The following EFCAB6 variants were observed in gnomAD, a reference collection of about 807,000 sequenced individuals.
EFCAB6 encodes the protein EF-hand calcium-binding domain-containing protein 6.
In EFCAB6, 156 loss-of-function variants were observed where a neutral mutation model predicts 169.8. The observed-to-expected ratio is 0.92, with a 90% CI of 0.81 to 1.05. The LOEUF is 1.05. Among genes scored for constraint, EFCAB6 ranks in the 50% least tolerant of loss-of-function variants. The pLI is 0.00. For synonymous variants in EFCAB6, 698 were observed against 676.4 expected (o/e 1.03, Z -0.50); for missense variants, 1,800 against 1,829.1 (o/e 0.98, Z 0.29).
chr22:43,780,038 T>C (rs1293776350), intron 3 of EFCAB6, among the ~76,000 whole-genome samples: 1 of 152,192 alleles, frequency 6.6e-6, no homozygotes, highest in Non-Finnish European at 1.5e-5. Flanking sequence ...AAATTCACAA[T>C]GGAATGTTAT....
At chr22:43,759,610 C>G (rs1460122274) in intron 5 of EFCAB6, 1 of 152,148 alleles carries the variant, frequency 6.6e-6, no homozygotes, top group African/African-American at 2.4e-5. Context: ...GATGTTTCTA[C>G]CATTATTATA....
rs1423681789 is a variant in EFCAB6 at position 43,587,083 on chromosome 22, G to T, written c.3032+2991C>A. The stretch of plus-strand genomic sequence containing the variant: ...GAGGCTCTGGAACTGATGATATCAG[G>T]TATATCTAGAAGTGGAGCTAAAGGA... On this transcript the variant is annotated intron_variant, in intron 24 of 31. Transcript: ENST00000262726. 2.0e-5 allele frequency among the ~76,000 whole-genome samples: 3 copies of T among 152,170 alleles called. No individual in the cohort carries two copies. In the East Asian group the frequency reaches 5.8e-4, roughly 29 times the overall value.
At chr22:43,734,272 T>C in intron 7 of EFCAB6, among the ~76,000 whole-genome samples, 1 of 152,216 alleles carries the variant, frequency 6.6e-6, no homozygotes, top group Non-Finnish European at 1.5e-5. Flanking sequence ...GGAAAGAGTA[T>C]ATTCTTGAGC....
intron 15 of EFCAB6, among the ~76,000 whole-genome samples, chr22:43,670,567 C>T (rs1458424146): frequency 6.6e-6 from 1 of 152,230 alleles, no homozygotes; most frequent in Non-Finnish European, 1.5e-5. Flanking sequence ...TTATGAGGAT[C>T]TGCATATAGC....
chr22:43,611,403 C>G (rs1259743613), intron 21 of EFCAB6, among the ~76,000 whole-genome samples: 2 of 152,148 alleles, frequency 1.3e-5, no homozygotes, highest in Non-Finnish European at 2.9e-5. Context: ...TAATCAATAT[C>G]ATTAAAATGA....
intron 17 of EFCAB6, among the ~76,000 whole-genome samples, chr22:43,648,858 T>C (rs926515280): frequency 3.3e-5 from 5 of 152,214 alleles, no homozygotes; most frequent in African/African-American, 1.2e-4. Context: ...AAAATACTTA[T>C]TGAGCACTTA....
At position 43,667,181 on chromosome 22, in the gene EFCAB6, C is replaced by A; in HGVS notation, c.1906G>T (p.Asp636Tyr). 1 of 1,614,144 alleles carries A rather than the reference C, an allele frequency of 6.2e-7. No individual in the cohort carries two copies. Among genetic ancestry groups the A allele is most frequent in the Non-Finnish European group, 8.5e-7 (1 of 1,180,008 alleles). ...EKFKKCIQQQ[D>Y]PAFKKRFLDF... ...AGAAATCGTTTTTTGAATGCCGGGT[C>A]CTGCTGCTGTATACACTTTTTGAAT... The change falls in exon 17 of 32, where the codon GAC (aspartate) becomes TAC (tyrosine). Residue 636 changes from aspartate to tyrosine, a missense_variant. Asp to Tyr is a radical substitution (Grantham distance 160). Transcript: ENST00000262726.
chr22:43,622,144 T>C (rs371673435), intron 20 of EFCAB6, among the ~76,000 whole-genome samples: 9 of 152,286 alleles, frequency 5.9e-5, no homozygotes, highest in Admixed American at 6.5e-5. Context: ...GAAAATAGAA[T>C]AGAAAGGAAT....
intron 28 of EFCAB6, 43 bp downstream of exon 28, chr22:43,540,084 G>A (rs1315661713): frequency 1.9e-6 from 3 of 1,604,024 alleles, no homozygotes; most frequent in Admixed American, 3.3e-5. Flanking sequence ...TTGTGGATGT[G>A]GCATGAGGAG....
intron 6 of EFCAB6, among the ~76,000 whole-genome samples, chr22:43,739,421 G>A (rs549717320): frequency 4.1e-4 from 63 of 151,850 alleles, no homozygotes; most frequent in Non-Finnish European, 7.7e-4. Context: ...TAAGCCTGGA[G>A]CATTTTAGGA....
At chr22:43,667,918 A>G (rs942177300) in intron 16 of EFCAB6, among the ~76,000 whole-genome samples, 1 of 152,122 alleles carries the variant, frequency 6.6e-6, no homozygotes, top group Admixed American at 6.5e-5. Context: ...TGGGGAAAAA[A>G]CAGCCCTGAG....
chr22:43,576,870 C>T (rs1409987416), intron 25 of EFCAB6, among the ~76,000 whole-genome samples: 1 of 152,210 alleles, frequency 6.6e-6, no homozygotes, highest in Non-Finnish European at 1.5e-5. Flanking sequence ...TTGACCCTTA[C>T]ATTCTACTTC....
At chr22:43,617,158 T>A (rs983334579) in intron 20 of EFCAB6, among the ~76,000 whole-genome samples, 2 of 152,238 alleles carry the variant, frequency 1.3e-5, no homozygotes, top group Admixed American at 6.5e-5. Flanking sequence ...CAATCCCCTA[T>A]GACTACTTGA....
At chr22:43,711,381 T>A (rs1224819360) in intron 10 of EFCAB6, 94 bp downstream of exon 10, 1 of 1,302,654 alleles carries the variant, frequency 7.7e-7, no homozygotes, top group Admixed American at 2.8e-5. Flanking sequence ...TAATAAAAAG[T>A]CTAAAACATT....
At chr22:43,618,295 A>G (rs756401103) in intron 20 of EFCAB6, among the ~76,000 whole-genome samples, 1 of 147,726 alleles carries the variant, frequency 6.8e-6, no homozygotes, top group Non-Finnish European at 1.5e-5. Context: ...GCATGGGACC[A>G]AGAATGATGG....
chr22:43,586,109 C>CT (rs930925604), intron 24 of EFCAB6, among the ~76,000 whole-genome samples: 2 of 151,894 alleles, frequency 1.3e-5, no homozygotes, highest in East Asian at 1.9e-4. Context: ...AAAATAACAT[C>CT]TTTTTTTTCT....
At chr22:43,605,356 C>T (rs1283875964) in intron 22 of EFCAB6, among the ~76,000 whole-genome samples, 10 of 152,146 alleles carry the variant, frequency 6.6e-5, no homozygotes, top group Admixed American at 6.5e-4. Context: ...TGTAAAACTC[C>T]ACAAGGGGCC....
intron 2 of EFCAB6, among the ~76,000 whole-genome samples, chr22:43,788,948 G>A (rs2062174266): frequency 6.6e-6 from 1 of 152,270 alleles, no homozygotes; most frequent in Admixed American, 6.5e-5. Flanking sequence ...GATCAACCTT[G>A]AAAACATTAT....
chr22:43,774,600 C>T lies in EFCAB6; in HGVS notation c.140-1497G>A, dbSNP rs146552204. ...AGGTGATTCGGTAACTGGGATGCGG[C>T]GGTCCAGTGTGGAGACAGGCATTAG... On this transcript the variant is annotated intron_variant, in intron 3 of 31. Transcript: ENST00000262726. 5.8e-4 allele frequency among the ~76,000 whole-genome samples: 88 copies of T among 151,648 alleles called. 2 individuals are homozygous for T. Among genetic ancestry groups the T allele is most frequent in the East Asian group, 4.2e-3 (21 of 5,048 alleles).
Sources: allele counts gnomAD v4.1 joint callset (sites outside exome capture counted in the v4.1 genomes callset), GRCh38; gene constraint gnomAD v4.1.1; transcripts MANE v1.5; gene names NCBI Gene and HGNC (gene_info 2026-07-23, HGNC 2026-07-21).